Variants in PTPRK observed in about 807,000 individuals in gnomAD.
The protein encoded by PTPRK is protein tyrosine phosphatase receptor type K.
Under a neutral mutation model 178.0 loss-of-function variants are expected in PTPRK, and 75 were observed. The observed-to-expected ratio is 0.42, with a 90% CI of 0.35 to 0.51. The LOEUF is 0.51. Ranked by LOEUF, PTPRK falls within the 20% of genes least tolerant of loss-of-function variation. PTPRK has a pLI of 0.02. For missense variants in PTPRK, 1,441 were observed against 1,797.8 expected (o/e 0.80, Z 3.59); for synonymous variants, 637 against 620.6 (o/e 1.03, Z -0.39).
intron 2 of PTPRK, among the ~76,000 whole-genome samples, chr6:128,369,194 C>T (rs1835934601): frequency 7.6e-6 from 1 of 131,346 alleles, no homozygotes. Context: ...AGAATCATTT[C>T]CCACTTCTAT....
intron 5 of PTPRK, among the ~76,000 whole-genome samples, chr6:128,226,913 GA>G (rs1811443000): frequency 1.3e-5 from 2 of 151,468 alleles, no homozygotes; most frequent in African/African-American, 2.4e-5. Context: ...TTTTATGGAT[GA>G]ACTTTCTGAT....
chr6:128,408,980 GAATAAA>G lies in PTPRK; in HGVS notation c.101-11298_101-11293del, dbSNP rs553476077. On this transcript the variant is annotated intron_variant, in intron 1 of 29. Transcript: ENST00000368226. ...GCAATTATTTGGCCAAATGCTGACA[GAATAAA>G]AAGATCCAAATATGTTACAGAGGTA... Among the ~76,000 whole-genome samples the G allele has an allele frequency of 1.4e-4, 22 of 152,254 alleles. 1 individual carries two copies. In the South Asian group the frequency reaches 4.1e-3, roughly 29 times the overall value.
chr6:128,436,039 C>T lies in PTPRK; in HGVS notation c.101-38351G>A, dbSNP rs370734324. ...ATATAGCAACAATTTTACCTCTTAA[C>T]ACTTTGTGAGAGTCCCAGGTAAAGC... On this transcript the variant is annotated intron_variant, in intron 1 of 29. Transcript: ENST00000368226. Among the ~76,000 whole-genome samples the T allele has an allele frequency of 9.8e-4, 147 of 150,314 alleles. 1 individual carries two copies. Among genetic ancestry groups the T allele is most frequent in the African/African-American group, 3.3e-3 (135 of 41,084 alleles).
intron 19 of PTPRK, among the ~76,000 whole-genome samples, chr6:127,991,978 T>C (rs1442667963): frequency 1.3e-5 from 2 of 151,788 alleles, no homozygotes; most frequent in African/African-American, 4.8e-5. Context: ...TCCAAAGATA[T>C]GTGAAAACAC....
rs747050047 is a variant in PTPRK, at chr6:128,078,795, G to A, written c.1883+18C>T. On this transcript the variant is annotated intron_variant, in intron 11 of 29. Transcript: ENST00000368226. ...TACCTGTGGATAAGGCAGAACTACT[G>A]TAGTTTTCTCCTCTTACCTGATAGG... 1.3e-6 allele frequency: 2 copies of A among 1,555,404 alleles called. No homozygotes were observed. Among genetic ancestry groups the A allele is most frequent in the African/African-American group, 1.4e-5 (1 of 73,570 alleles).
intron 7 of PTPRK, among the ~76,000 whole-genome samples, chr6:128,146,705 G>A (rs1309604080): frequency 6.6e-6 from 1 of 152,004 alleles, no homozygotes; most frequent in African/African-American, 2.4e-5. Context: ...TGGGATTACA[G>A]GCATGAGCCA....
At chr6:128,412,933 C>T (rs1842463511) in intron 1 of PTPRK, among the ~76,000 whole-genome samples, 1 of 152,200 alleles carries the variant, frequency 6.6e-6, no homozygotes, top group Admixed American at 6.5e-5. Context: ...CATGCCCACA[C>T]TAGGAATTTG....
chr6:128,428,174 T>C (rs1844404257), intron 1 of PTPRK, among the ~76,000 whole-genome samples: 1 of 152,120 alleles, frequency 6.6e-6, no homozygotes, highest in African/African-American at 2.4e-5. Flanking sequence ...GTGGACACTG[T>C]GAAATGACAA....
At chr6:128,367,701 TAGAG>T (rs1417983671) in intron 2 of PTPRK, among the ~76,000 whole-genome samples, 9 of 152,184 alleles carry the variant, frequency 5.9e-5, no homozygotes, top group Admixed American at 1.3e-4. Flanking sequence ...AGTATGGTGA[TAGAG>T]AGCATTTCTC....
intron 11 of PTPRK, among the ~76,000 whole-genome samples, chr6:128,072,066 C>G (rs570944715): frequency 3.4e-4 from 51 of 152,062 alleles, no homozygotes; most frequent in African/African-American, 9.1e-4. Flanking sequence ...ATTAGGTGAG[C>G]TCAGTACTTT....
At chr6:128,504,710 G>A (rs1856072045) in intron 1 of PTPRK, among the ~76,000 whole-genome samples, 1 of 152,096 alleles carries the variant, frequency 6.6e-6, no homozygotes, top group Admixed American at 6.6e-5. Flanking sequence ...CCTGGTTGTG[G>A]GTTTGTCCGA....
At chr6:127,991,094 A>C (rs1007340396) in intron 20 of PTPRK, among the ~76,000 whole-genome samples, 200 bp downstream of exon 20, 1 of 151,982 alleles carries the variant, frequency 6.6e-6, no homozygotes, top group African/African-American at 2.4e-5. Flanking sequence ...TCCAGTACAA[A>C]ATTAAAGCTT....
chr6:128,192,005 G>T (rs1217825682), intron 6 of PTPRK, among the ~76,000 whole-genome samples: 1 of 152,144 alleles, frequency 6.6e-6, no homozygotes, highest in African/African-American at 2.4e-5. Context: ...ATTGCTCACA[G>T]GCAAGTGAAC....
intron 19 of PTPRK, 55 bp from the exon 20 acceptor site, chr6:127,991,446 A>G (rs1776597269): frequency 1.4e-6 from 2 of 1,381,374 alleles, no homozygotes; most frequent in Non-Finnish European, 2.0e-6. Flanking sequence ...GTAGTTAGTA[A>G]GAAGTTTAGC....
chr6:128,115,850 A>T (rs986130196), intron 7 of PTPRK, among the ~76,000 whole-genome samples: 1 of 152,054 alleles, frequency 6.6e-6, no homozygotes, highest in Non-Finnish European at 1.5e-5. Context: ...TATTAAATAC[A>T]TCCTTCTTTT....
intron 7 of PTPRK, among the ~76,000 whole-genome samples, chr6:128,102,387 A>G (rs1248730104): frequency 1.3e-5 from 2 of 152,194 alleles, no homozygotes; most frequent in Admixed American, 1.3e-4. Context: ...GCACTGTTGG[A>G]AAAAAGAGGT....
At chr6:128,433,980 C>T (rs868513181) in intron 1 of PTPRK, among the ~76,000 whole-genome samples, 2 of 151,640 alleles carry the variant, frequency 1.3e-5, no homozygotes, top group Middle Eastern at 3.4e-3. Context: ...TATTAAATCA[C>T]CCCAAATCCC....
intron 6 of PTPRK, among the ~76,000 whole-genome samples, chr6:128,198,975 A>C (rs1262605002): frequency 1.3e-5 from 2 of 152,194 alleles, no homozygotes; most frequent in Admixed American, 1.3e-4. Context: ...AAGCAAGATA[A>C]TGTCAACTGT....
intron 13 of PTPRK, among the ~76,000 whole-genome samples, chr6:128,061,375 GTGTGGTAA>G (rs1562512538): frequency 6.6e-6 from 1 of 152,148 alleles, no homozygotes; most frequent in East Asian, 1.9e-4. Flanking sequence ...CAGAAAATTT[GTGTGGTAA>G]AAGGACACAC....
Sources: gnomAD v4.1 joint callset for allele counts (sites outside exome capture counted in the v4.1 genomes callset) on GRCh38, gnomAD v4.1.1 for gene constraint, MANE v1.5 for transcripts, NCBI Gene and HGNC (gene_info 2026-07-23, HGNC 2026-07-21) for gene names.